Variants in MAST2 observed in about 807,000 individuals in gnomAD.
MAST2 encodes microtubule associated serine/threonine kinase 2.
In MAST2, 70 loss-of-function variants were observed where a neutral mutation model predicts 147.4. The ratio of observed to expected loss-of-function variants is 0.47; its 90% confidence interval spans 0.39 to 0.58. The LOEUF is 0.58. Ranked by LOEUF, MAST2 falls within the 20% of genes least tolerant of loss-of-function variation. MAST2 has a pLI of 0.00. For missense variants in MAST2, 2,080 were observed against 2,302.3 expected, an observed-to-expected ratio of 0.90 and a Z score of 1.98; for synonymous variants, 869 against 896.8, an observed-to-expected ratio of 0.97 and a Z score of 0.55.
At chr1:45,881,425 C>T (rs1041796378) in intron 3 of MAST2, among the ~76,000 whole-genome samples, 2 of 152,008 alleles carry the variant, frequency 1.3e-5, no homozygotes, top group Non-Finnish European at 2.9e-5. Flanking sequence ...ACATGTAAAA[C>T]AATACTACTA....
At position 45,838,591 on chromosome 1, in the gene MAST2, A is replaced by T. The variant is rs576766027; in HGVS notation, c.468+9010A>T. Among the ~76,000 whole-genome samples the T allele has an allele frequency of 6.6e-4, 100 of 151,984 alleles. 1 individual carries two copies. In the East Asian group the frequency reaches 8.9e-3, roughly 13 times the overall value. ...AAAACTTTTGTCTATTTAAAAAAAA[A>T]TTTTTTTTGTCTTATTGAGTTTCAG... On this transcript the variant is annotated intron_variant, in intron 3 of 28. Coordinates refer to ENST00000361297, the MANE Select transcript of MAST2 (RefSeq NM_015112.3).
At chr1:45,872,974 A>C (rs1226883803) in intron 3 of MAST2, among the ~76,000 whole-genome samples, 1 of 152,132 alleles carries the variant, frequency 6.6e-6, no homozygotes, top group African/African-American at 2.4e-5. Flanking sequence ...AAATATCATC[A>C]TTGGCAGAAA....
At chr1:45,994,584 G>T (rs527598077) in intron 5 of MAST2, among the ~76,000 whole-genome samples, 29 of 152,002 alleles carry the variant, frequency 1.9e-4, no homozygotes, top group African/African-American at 7.0e-4. Context: ...CTGGTGCTAG[G>T]TGAGCCTCAA....
chr1:45,999,316 A>G (rs532952227), intron 6 of MAST2, among the ~76,000 whole-genome samples: 1 of 152,314 alleles, frequency 6.6e-6, no homozygotes, highest in Non-Finnish European at 1.5e-5. Context: ...GGATCCAGAT[A>G]AGATCACTTA....
chr1:45,804,698 A>G (rs1219003297), intron 1 of MAST2, among the ~76,000 whole-genome samples: 1 of 152,256 alleles, frequency 6.6e-6, no homozygotes. Flanking sequence ...AAAACACATT[A>G]CTGGGAAAAC....
At chr1:45,862,676 G>C (rs1244842134) in intron 3 of MAST2, among the ~76,000 whole-genome samples, 1 of 151,968 alleles carries the variant, frequency 6.6e-6, no homozygotes, top group Non-Finnish European at 1.5e-5. Flanking sequence ...TGCCTTGTTG[G>C]CCAGGCTGGT....
chr1:45,944,643 C>T (rs1657783252), intron 4 of MAST2, among the ~76,000 whole-genome samples: 1 of 152,160 alleles, frequency 6.6e-6, no homozygotes, highest in Non-Finnish European at 1.5e-5. Context: ...TTAATCTTCT[C>T]CCCCACCATA....
At chr1:45,821,977 C>G (rs1448031336) in intron 1 of MAST2, among the ~76,000 whole-genome samples, 1 of 149,030 alleles carries the variant, frequency 6.7e-6, no homozygotes, top group Non-Finnish European at 1.5e-5. Context: ...CAACCTCCAC[C>G]TCCCAGGTTC....
chr1:45,854,419 CCTT>C lies in MAST2; in HGVS notation c.468+24841_468+24843del, dbSNP rs1418081060. On this transcript the variant is annotated intron_variant, in intron 3 of 28. Coordinates refer to ENST00000361297, the MANE Select transcript of MAST2 (RefSeq NM_015112.3). ...CTGTTCAGTTCACTTATGGGACTCT[CCTT>C]CTGCCATTACCACAATGTTTTGATT... is the stretch of plus-strand genomic sequence containing the variant. 2.6e-5 allele frequency among the ~76,000 whole-genome samples: 4 copies of C among 151,842 alleles called. No individual in the cohort carries two copies. In the South Asian group the frequency reaches 8.3e-4, roughly 31 times the overall value.
At chr1:46,033,982 G>A (rs1269652064) in intron 27 of MAST2, 44 bp downstream of exon 27, 1 of 1,610,416 alleles carries the variant, frequency 6.2e-7, no homozygotes, top group South Asian at 1.1e-5. Flanking sequence ...AGCCACATGA[G>A]TGCTGGTACG....
intron 4 of MAST2, among the ~76,000 whole-genome samples, chr1:45,916,303 C>T (rs1480207305): frequency 6.6e-6 from 1 of 152,002 alleles, no homozygotes; most frequent in African/African-American, 2.4e-5. Context: ...AATTTTTTTA[C>T]CTTGGAAATT....
intron 1 of MAST2, among the ~76,000 whole-genome samples, chr1:45,805,483 A>T (rs889068252): frequency 6.6e-6 from 1 of 152,088 alleles, no homozygotes; most frequent in African/African-American, 2.4e-5. Flanking sequence ...TCTTGCTGCA[A>T]TTTACTCCCC....
At chr1:45,943,569 A>G (rs1219771860) in intron 4 of MAST2, among the ~76,000 whole-genome samples, 3 of 152,188 alleles carry the variant, frequency 2.0e-5, no homozygotes, top group Non-Finnish European at 2.9e-5. Flanking sequence ...TTCTTAGTTT[A>G]AGAATAGGTT....
chr1:45,975,425 A>G (rs538902607), intron 5 of MAST2, among the ~76,000 whole-genome samples: 45 of 136,620 alleles, frequency 3.3e-4, no homozygotes, highest in African/African-American at 1.2e-3. Context: ...TTGGGAGGCC[A>G]AGGTGGGAGG....
intron 4 of MAST2, among the ~76,000 whole-genome samples, chr1:45,933,621 G>T (rs1655716554): frequency 6.6e-6 from 1 of 151,752 alleles, no homozygotes. Context: ...GGGCATGGTG[G>T]TGGGCACCTG....
chr1:45,941,801 CTTG>C (rs1657336007), intron 4 of MAST2, among the ~76,000 whole-genome samples: 1 of 152,092 alleles, frequency 6.6e-6, no homozygotes, highest in East Asian at 1.9e-4. Flanking sequence ...AGCATTCAGT[CTTG>C]TTGTCAAATA....
At chr1:45,908,813 C>T (rs781443215) in intron 4 of MAST2, among the ~76,000 whole-genome samples, 1 of 152,134 alleles carries the variant, frequency 6.6e-6, no homozygotes, top group Non-Finnish European at 1.5e-5. Context: ...AGCTGTCTGC[C>T]CTTGTAAGAA....
At chr1:45,837,707 T>G (rs1645144188) in intron 3 of MAST2, among the ~76,000 whole-genome samples, 1 of 152,206 alleles carries the variant, frequency 6.6e-6, no homozygotes, top group African/African-American at 2.4e-5. Flanking sequence ...TGCCAACCTG[T>G]TTTCTAAAGT....
At chr1:45,934,378 C>A in intron 4 of MAST2, among the ~76,000 whole-genome samples, 1 of 152,188 alleles carries the variant, frequency 6.6e-6, no homozygotes, top group Middle Eastern at 3.4e-3. Context: ...TCCAGCTACT[C>A]GGGAGGCTGA....
Sources: gnomAD v4.1 joint callset for allele counts (sites outside exome capture counted in the v4.1 genomes callset) on GRCh38, gnomAD v4.1.1 for gene constraint, MANE v1.5 for transcripts, NCBI Gene and HGNC (gene_info 2026-07-23, HGNC 2026-07-21) for gene names.